The following ITPRID1 variants were observed in gnomAD, a reference collection of about 807,000 sequenced individuals.
ITPRID1 encodes ITPR interacting domain containing 1.
Under a neutral mutation model 95.4 loss-of-function variants are expected in ITPRID1, and 96 were observed. That is an observed-to-expected ratio of 1.01 (90% CI 0.85 to 1.19). The LOEUF (loss-of-function observed/expected upper bound fraction) is 1.19, where lower values mean the gene tolerates loss of function less well. Among genes scored for constraint, ITPRID1 ranks in the 50% most tolerant of loss-of-function variants. The pLI, the probability that ITPRID1 is intolerant of heterozygous loss-of-function variation, is 0.00. For synonymous variants in ITPRID1, 510 were observed against 453.6 expected (o/e 1.12, Z -1.58); for missense variants, 1,339 against 1,252.9 (o/e 1.07, Z -1.04).
At chr7:31,537,920 T>C (rs566881981) in intron 1 of ITPRID1, among the ~76,000 whole-genome samples, 7 of 152,198 alleles carry the variant, frequency 4.6e-5, no homozygotes, top group Middle Eastern at 3.2e-3. Flanking sequence ...TAACAAAATA[T>C]TCCAGACATC....
At position 31,587,897 on chromosome 7, in the gene ITPRID1, C is replaced by A. The variant is rs1203712935; in HGVS notation, c.1228+4706C>A. Among the ~76,000 whole-genome samples the A allele has an allele frequency of 3.9e-5, 6 of 152,022 alleles. No homozygotes were observed. The East Asian group carries it at 1.2e-3, about 29-fold the overall frequency. On this transcript the variant is annotated intron_variant, in intron 10 of 14. Transcript: ENST00000615280. ...AAAAAGAAGCAATGGGGAAAGGATT[C>A]CCTATTTAATAAATGGTGCTGGGAA...
chr7:31,577,329 T>A (rs942533684), intron 8 of ITPRID1, among the ~76,000 whole-genome samples: 1 of 152,226 alleles, frequency 6.6e-6, no homozygotes, highest in African/African-American at 2.4e-5. Flanking sequence ...TTAGTTATTT[T>A]ATTCTGAGCT....
intron 10 of ITPRID1, among the ~76,000 whole-genome samples, chr7:31,598,135 A>C (rs899485023): frequency 6.6e-6 from 1 of 152,186 alleles, no homozygotes; most frequent in African/African-American, 2.4e-5. Context: ...GTAAGTGTAA[A>C]AAGTAAGGCA....
chr7:31,637,758 AT>A (rs1789630646), intron 10 of ITPRID1, among the ~76,000 whole-genome samples: 1 of 152,164 alleles, frequency 6.6e-6, no homozygotes, highest in Non-Finnish European at 1.5e-5. Context: ...CCATTTGTCA[AT>A]TTTGGCTTTT....
chr7:31,549,344 C>T, intron 1 of ITPRID1, 82 bp from the exon 2 acceptor site: 1 of 987,476 alleles, frequency 1.0e-6, no homozygotes, highest in Non-Finnish European at 1.4e-6. Context: ...ACAACACAGG[C>T]TACCCACAAA....
intron 1 of ITPRID1, among the ~76,000 whole-genome samples, chr7:31,537,844 T>TAG (rs1203343145): frequency 6.6e-6 from 1 of 152,184 alleles, no homozygotes; most frequent in African/African-American, 2.4e-5. Flanking sequence ...ATATAAATAT[T>TAG]GATTGATTTC....
intron 10 of ITPRID1, among the ~76,000 whole-genome samples, chr7:31,637,665 A>G (rs527673215): frequency 1.3e-5 from 2 of 151,946 alleles, no homozygotes; most frequent in South Asian, 4.2e-4. Flanking sequence ...GATTGCGAAA[A>G]TTTTCTCCCA....
rs1052588752 is a variant in ITPRID1 at position 31,655,954 on chromosome 7, G to A, written c.*3125G>A. On this transcript the variant is annotated 3_prime_UTR_variant, in exon 15 of 15. Transcript: ENST00000615280. Reference sequence around the variant, plus strand: ...CTCATTTCCTGCTCATCCCTCAGATGAATCTCCAATTCTATTCCCCTAAAC... The same window carrying A: ...CTCATTTCCTGCTCATCCCTCAGATAAATCTCCAATTCTATTCCCCTAAAC... 1 of 985,256 alleles carries A rather than the reference G, an allele frequency of 1.0e-6. No individual in the cohort carries two copies. The highest frequency in any genetic ancestry group is 1.2e-6 in the Non-Finnish European group (1 of 829,922). The allele number at this position is 985,256 out of a possible 1,614,324, so 61.0% of individuals were successfully genotyped here.
At position 31,553,108 on chromosome 7, in the gene ITPRID1, A is replaced by C; in HGVS notation, c.84A>C (p.Lys28Asn). The C allele has an allele frequency of 6.2e-7, 1 of 1,603,412 alleles. No homozygotes were observed. Among genetic ancestry groups the C allele is most frequent in the Non-Finnish European group, 8.5e-7 (1 of 1,174,680 alleles). Reference sequence around the variant, plus strand: ...AGAGAGAGATCCTGAAGTGCACCAAAAGCGCGTGGGCTCCGCTGGATGAGT... The same window carrying C: ...AGAGAGAGATCCTGAAGTGCACCAACAGCGCGTGGGCTCCGCTGGATGAGT... The part of the protein sequence containing the change: ...KSKREILKCT[K>N]SAWAPLDEWL... Residue 28 changes from lysine to asparagine, a missense_variant, in exon 3 of 15, where the codon AAA becomes AAC. Physicochemically the swap from Lys to Asn is moderately conservative, Grantham distance 94 (BLOSUM62 0). Coordinates refer to ENST00000615280, the MANE Select transcript of ITPRID1 (RefSeq NM_001257967.3).
rs140077365 is a variant in ITPRID1 at position 31,601,113 on chromosome 7, TA to T, written c.1228+17924del. Among the ~76,000 whole-genome samples the T allele has an allele frequency of 9.1e-4, 138 of 152,246 alleles. 1 individual carries two copies. Among genetic ancestry groups the T allele is most frequent in the African/African-American group, 3.2e-3 (131 of 41,534 alleles). ...ACAGACCCTAGTCTCATAGAATTTGTAAGTATCAGAAGAAATCAATTACTTA... is the reference window on the plus strand; with the variant it reads ...ACAGACCCTAGTCTCATAGAATTTGTAGTATCAGAAGAAATCAATTACTTA... On this transcript the variant is annotated intron_variant, in intron 10 of 14. Transcript: ENST00000615280.
chr7:31,634,347 A>ATG (rs1437336259), intron 10 of ITPRID1, among the ~76,000 whole-genome samples: 1 of 152,244 alleles, frequency 6.6e-6, no homozygotes, highest in Non-Finnish European at 1.5e-5. Flanking sequence ...ATTAATAATG[A>ATG]TGTCCTGCAG....
intron 1 of ITPRID1, among the ~76,000 whole-genome samples, chr7:31,538,982 G>A (rs534200882): frequency 2.5e-4 from 38 of 152,160 alleles, no homozygotes; most frequent in African/African-American, 3.1e-4. Context: ...CTGTAACTCC[G>A]TCATTCTTTT....
At chr7:31,591,463 T>C (rs1785861663) in intron 10 of ITPRID1, among the ~76,000 whole-genome samples, 1 of 152,206 alleles carries the variant, frequency 6.6e-6, no homozygotes, top group South Asian at 2.1e-4. Context: ...TCTGGTCACA[T>C]AGCAAATTAG....
Position 31,653,086 on chromosome 7 carries a change from C to A in ITPRID1, c.*257C>A. On this transcript the variant is annotated 3_prime_UTR_variant, in exon 15 of 15. Coordinates refer to ENST00000615280, the MANE Select transcript of ITPRID1 (RefSeq NM_001257967.3). ...TAAATAGTATACGGTCTCTGCCCTG[C>A]TAGAACTTACAGTGTAGTGGGGGAG... 1.2e-6 allele frequency: 1 copy of A among 805,402 alleles called. No individual in the cohort carries two copies. Among genetic ancestry groups the A allele is most frequent in the Non-Finnish European group, 1.7e-6 (1 of 575,084 alleles). 49.9% of individuals were successfully genotyped at this position (805,402 alleles called of 1,614,324 possible).
intron 7 of ITPRID1, among the ~76,000 whole-genome samples, chr7:31,573,435 G>T (rs1286798844): frequency 1.3e-5 from 2 of 152,038 alleles, no homozygotes; most frequent in African/African-American, 2.4e-5. Flanking sequence ...CATGATGCTG[G>T]TTGTATCTGG....
chr7:31,639,192 T>A (rs1789772257), intron 10 of ITPRID1, among the ~76,000 whole-genome samples: 1 of 152,212 alleles, frequency 6.6e-6, no homozygotes, highest in Non-Finnish European at 1.5e-5. Flanking sequence ...AAGCTTTCCC[T>A]CCTCTTTGGG....
chr7:31,529,819 T>G (rs2128129770), intron 1 of ITPRID1: 2 of 1,535,026 alleles, frequency 1.3e-6, no homozygotes, highest in East Asian at 2.4e-5. Flanking sequence ...AACTCCTTTA[T>G]TCTGGTACAG....
intron 8 of ITPRID1, among the ~76,000 whole-genome samples, chr7:31,575,849 A>C (rs1468597): frequency 6.6e-6 from 1 of 152,132 alleles, no homozygotes; most frequent in Non-Finnish European, 1.5e-5. Context: ...TCCGTTTTCA[A>C]GTAGGTAAAA....
At chr7:31,619,634 G>A (rs1787611664) in intron 10 of ITPRID1, among the ~76,000 whole-genome samples, 1 of 152,094 alleles carries the variant, frequency 6.6e-6, no homozygotes, top group African/African-American at 2.4e-5. Flanking sequence ...GAGCCAAGAT[G>A]GCCGAATAGG....
Sources: allele counts gnomAD v4.1 joint callset (sites outside exome capture counted in the v4.1 genomes callset), GRCh38; gene constraint gnomAD v4.1.1; transcripts MANE v1.5; gene names NCBI Gene and HGNC (gene_info 2026-07-23, HGNC 2026-07-21).